The following GRIP2 variants were observed in gnomAD, a reference collection of about 807,000 sequenced individuals.
GRIP2 encodes glutamate receptor-interacting protein 2.
Under a neutral mutation model 108.3 loss-of-function variants are expected in GRIP2, and 58 were observed. The observed-to-expected ratio is 0.54, with a 90% CI of 0.43 to 0.67. GRIP2 has a LOEUF of 0.67. GRIP2 is among the 30% of genes least tolerant of loss of function. The pLI, the probability that GRIP2 is intolerant of heterozygous loss-of-function variation, is 0.00. For missense variants in GRIP2, 1,278 were observed against 1,430.6 expected (o/e 0.89, Z 1.72); for synonymous variants, 586 against 598.2 (o/e 0.98, Z 0.30).
chr3:14,553,253 A>G (rs770410437), intron 1 of GRIP2, among the ~76,000 whole-genome samples: 11 of 151,900 alleles, frequency 7.2e-5, no homozygotes, highest in Admixed American at 1.3e-4. Flanking sequence ...GATTACAGGC[A>G]CGTGCTACCA....
chr3:14,546,303 G>T (rs570419831), upstream of GRIP2, among the ~76,000 whole-genome samples: 1 of 152,222 alleles, frequency 6.6e-6, no homozygotes, highest in South Asian at 2.1e-4. Context: ...CCAGGGAGAG[G>T]AGTTGGGATT....
chr3:14,573,700 A>C, the GRIP2 span: 1 of 1,423,276 alleles, frequency 7.0e-7, no homozygotes, highest in Non-Finnish European at 9.9e-7. Context: ...CAGATCGGCC[A>C]CTTGGTAATG....
the GRIP2 span, among the ~76,000 whole-genome samples, chr3:14,580,630 C>A: frequency 6.6e-6 from 1 of 152,164 alleles, no homozygotes; most frequent in African/African-American, 2.4e-5. Context: ...TAGTTTGAGG[C>A]TGCAGTGAGC....
At chr3:14,572,747 C>T in the GRIP2 span, 9 of 540,764 alleles carry the variant, frequency 1.7e-5, no homozygotes, top group Non-Finnish European at 2.3e-5. Flanking sequence ...CAGGCCAGTT[C>T]CCACATGGAG....
the GRIP2 span, among the ~76,000 whole-genome samples, chr3:14,576,250 C>T: frequency 5.9e-5 from 9 of 152,336 alleles, no homozygotes; most frequent in South Asian, 2.1e-4. Flanking sequence ...ACGCAATTGG[C>T]GTGGCTCTCA....
upstream of GRIP2, chr3:14,540,533 G>C: frequency 9.9e-7 from 1 of 1,013,104 alleles, no homozygotes; most frequent in Non-Finnish European, 1.4e-6. The surrounding 1 kb of genome is among the most constrained non-coding windows in gnomAD (Gnocchi z 4.1). Flanking sequence ...CCTGCAGCCT[G>C]GGTCTGGACA....
intron 1 of GRIP2, among the ~76,000 whole-genome samples, chr3:14,537,674 G>T (rs1240454357): frequency 1.3e-5 from 2 of 152,268 alleles, no homozygotes; most frequent in African/African-American, 4.8e-5. Context: ...CTGCTGTGGA[G>T]TAGGAGGCCA....
chr3:14,537,551 A>G (rs1694862406), intron 1 of GRIP2, among the ~76,000 whole-genome samples: 1 of 152,226 alleles, frequency 6.6e-6, no homozygotes, highest in African/African-American at 2.4e-5. Flanking sequence ...TCCCATTTAC[A>G]GATTAGGAGA....
chr3:14,602,348 G>A, the GRIP2 span: 2 of 152,180 alleles, frequency 1.3e-5, no homozygotes, highest in African/African-American at 4.8e-5. The surrounding 1 kb of genome is among the most constrained non-coding windows in gnomAD (Gnocchi z 4.7). Context: ...GCAGTGCGGC[G>A]AGTCAGCCCC....
Position 14,552,329 on chromosome 3 carries a change from C to T in GRIP2, c.55+3571G>A, listed in dbSNP as rs539928857. On this transcript the variant is annotated intron_variant, in intron 1 of 23. Coordinates refer to the GRIP2 transcript ENST00000637182. ...AATAATTCATCACAGACATGCACCA[C>T]GGAGTGGGCACAGGCAGACAAAGCT... Among the ~76,000 whole-genome samples the T allele has an allele frequency of 3.8e-3, 585 of 152,292 alleles. 7 individuals are homozygous for T. Among genetic ancestry groups the T allele is most frequent in the Non-Finnish European group, 4.3e-3 (291 of 68,026 alleles).
At chr3:14,535,613 C>T (rs1320788401) in intron 1 of GRIP2, among the ~76,000 whole-genome samples, 2 of 152,188 alleles carry the variant, frequency 1.3e-5, no homozygotes, top group Non-Finnish European at 2.9e-5. Context: ...AACTGAGGCA[C>T]AGAGAGGTTA....
intron 22 of GRIP2, 64 bp downstream of exon 22, chr3:14,496,353 C>G (rs1693599805): frequency 6.9e-7 from 1 of 1,439,312 alleles, no homozygotes; most frequent in African/African-American, 1.4e-5. Context: ...TCTGGAGTCC[C>G]ACGACAGTGC....
At chr3:14,596,676 G>C in the GRIP2 span, among the ~76,000 whole-genome samples, 1 of 152,168 alleles carries the variant, frequency 6.6e-6, no homozygotes, top group Non-Finnish European at 1.5e-5. Context: ...AGTGCAAAGG[G>C]CTGGCAGGAA....
chr3:14,580,554 G>A, the GRIP2 span, among the ~76,000 whole-genome samples: 2 of 152,124 alleles, frequency 1.3e-5, no homozygotes, highest in African/African-American at 2.4e-5. Flanking sequence ...AAAATTAGCC[G>A]GTGTGGTGGC....
chr3:14,551,149 C>A (rs1695141317), intron 1 of GRIP2, among the ~76,000 whole-genome samples: 1 of 152,134 alleles, frequency 6.6e-6, no homozygotes, highest in Non-Finnish European at 1.5e-5. Context: ...CAGCCTGAGT[C>A]CCTTGGCTGA....
the GRIP2 span, among the ~76,000 whole-genome samples, chr3:14,586,126 T>A: frequency 6.6e-6 from 1 of 152,198 alleles, no homozygotes; most frequent in Non-Finnish European, 1.5e-5. Context: ...TCCCTCTACC[T>A]GGACCACTTT....
In GRIP2 at chr3:14,505,855, T is replaced by A; in HGVS notation, c.2399-66A>T. 1 of 1,425,960 alleles carries A rather than the reference T, an allele frequency of 7.0e-7. No homozygotes were observed. The highest frequency in any genetic ancestry group is 9.3e-7 in the Non-Finnish European group (1 of 1,077,092). 88.3% of individuals were successfully genotyped at this position (1,425,960 alleles called of 1,614,324 possible). On this transcript the variant is annotated intron_variant, in intron 19 of 23. Transcript: ENST00000621039. This position sits in a 1 kb window ranked among gnomAD's most constrained non-coding sequence, Gnocchi z 4.2. ...ACCTTGCCCTCCTGCCTGCCCCATT[T>A]CCAGCTGTGCTGAGTGACCCTGGGG...
At chr3:14,525,972 T>A (rs1191065320) in intron 1 of GRIP2, 41 bp from the exon 2 acceptor site, 1 of 1,518,790 alleles carries the variant, frequency 6.6e-7, no homozygotes, top group East Asian at 2.5e-5. Context: ...TCCACTTTCG[T>A]TTCCATTCCT....
In GRIP2 at chr3:14,512,949, T is replaced by C. The variant is rs1694140536; in HGVS notation, c.1640-92A>G. On this transcript the variant is annotated intron_variant, in intron 13 of 23. Transcript: ENST00000621039. The surrounding 1 kb of genome is among the most constrained non-coding windows in gnomAD (Gnocchi z 5.1). ...ATGCCCATTCTGGCTGTGCTGGGAG[T>C]GACCCCGAAAGTCACAGTTCTAATC... The C allele has an allele frequency of 2.6e-5, 30 of 1,149,910 alleles. No individual in the cohort carries two copies. In the South Asian group the frequency reaches 3.8e-4, roughly 15 times the overall value. The allele number at this position is 1,149,910 out of a possible 1,614,324, so 71.2% of individuals were successfully genotyped here. A position where few individuals can be genotyped will look rare whatever the true frequency, so the allele number is the denominator to read the frequency against.
Sources: allele counts gnomAD v4.1 joint callset (sites outside exome capture counted in the v4.1 genomes callset), GRCh38; gene constraint gnomAD v4.1.1; non-coding constraint Gnocchi (gnomAD v3.1); transcripts MANE v1.5; gene names NCBI Gene and HGNC (gene_info 2026-07-23, HGNC 2026-07-21).